The following PHLDB2 variants were observed in gnomAD, a reference collection of about 807,000 sequenced individuals.
The protein encoded by PHLDB2 is pleckstrin homology like domain family B member 2.
Under a neutral mutation model 123.6 loss-of-function variants are expected in PHLDB2, and 71 were observed. The observed-to-expected ratio is 0.57, with a 90% CI of 0.47 to 0.70. The LOEUF (loss-of-function observed/expected upper bound fraction) is 0.70, where lower values mean the gene tolerates loss of function less well. PHLDB2 is among the 30% of genes least tolerant of loss of function. The pLI, the probability that PHLDB2 is intolerant of heterozygous loss-of-function variation, is 0.00. For missense variants in PHLDB2, 1,446 were observed against 1,519.5 expected (o/e 0.95, Z 0.80); for synonymous variants, 547 against 541.6 (o/e 1.01, Z -0.14).
chr3:111,849,456 C>T (rs1332448242), intron 2 of PHLDB2, among the ~76,000 whole-genome samples: 3 of 152,170 alleles, frequency 2.0e-5, no homozygotes, highest in Non-Finnish European at 4.4e-5. Flanking sequence ...CAGGCATGAG[C>T]CACTGTGCCA....
At chr3:111,854,916 C>T (rs538457061), upstream of PHLDB2, among the ~76,000 whole-genome samples, 221 of 152,266 alleles carry the variant, frequency 1.5e-3, 3 homozygotes, top group Non-Finnish European at 2.6e-3. Context: ...GAATTGAAGT[C>T]GACCCCTTGG....
At chr3:111,852,782 A>G (rs1015869733) in intron 2 of PHLDB2, among the ~76,000 whole-genome samples, 2 of 151,220 alleles carry the variant, frequency 1.3e-5, no homozygotes, top group African/African-American at 4.9e-5. Context: ...ACACACACAC[A>G]TACACACACA....
At chr3:111,918,959 C>A in intron 3 of PHLDB2, 113 bp from the exon 4 acceptor site, 2 of 1,100,312 alleles carry the variant, frequency 1.8e-6, no homozygotes, top group Non-Finnish European at 2.7e-6. Context: ...CTTTTAAAAT[C>A]TACATGGGCA....
intron 12 of PHLDB2, among the ~76,000 whole-genome samples, chr3:111,956,235 A>G (rs904515067): frequency 1.3e-5 from 2 of 152,222 alleles, no homozygotes; most frequent in Admixed American, 1.3e-4. Context: ...TCAAAGAGTA[A>G]GAAAAACTAG....
At chr3:111,934,604 C>T (rs2069353090) in intron 6 of PHLDB2, among the ~76,000 whole-genome samples, 1 of 152,174 alleles carries the variant, frequency 6.6e-6, no homozygotes, top group Non-Finnish European at 1.5e-5. Context: ...GGTCTTCCTA[C>T]CTTTAAACAT....
chr3:111,817,073 C>T lies in PHLDB2; in HGVS notation c.-48-28748C>T, dbSNP rs149952578. 5.1e-4 allele frequency among the ~76,000 whole-genome samples: 77 copies of T among 152,294 alleles called. No homozygotes were observed. In the East Asian group the frequency reaches 0.014, roughly 29 times the overall value. ...TTCCACCATGATTGTGAGGCCTCCCCAGCCATGTGGAACTGTAAGTCCAAT... is the reference window on the plus strand; with the variant it reads ...TTCCACCATGATTGTGAGGCCTCCCTAGCCATGTGGAACTGTAAGTCCAAT... On this transcript the variant is annotated intron_variant, in intron 1 of 17. Coordinates refer to the PHLDB2 transcript ENST00000393923.
At chr3:111,894,848 A>C (rs1455122254) in intron 2 of PHLDB2, among the ~76,000 whole-genome samples, 2 of 152,148 alleles carry the variant, frequency 1.3e-5, no homozygotes, top group Non-Finnish European at 2.9e-5. Flanking sequence ...GGGTAATATA[A>C]AGAAAAATGT....
chr3:111,780,411 A>AGAAGAAGAAG (rs61182634), intron 1 of PHLDB2, among the ~76,000 whole-genome samples: 1 of 130,628 alleles, frequency 7.7e-6, no homozygotes, highest in Non-Finnish European at 1.7e-5. Context: ...AAGAAGAAGA[A>AGAAGAAGAAG]AAAGATTAGT....
At chr3:111,855,596 G>T (rs2064454450), upstream of PHLDB2, among the ~76,000 whole-genome samples, 1 of 141,370 alleles carries the variant, frequency 7.1e-6, no homozygotes, top group African/African-American at 2.6e-5. Context: ...ACTTTATTGA[G>T]TGCTTTCTAT....
chr3:111,832,435 T>G (rs991325522), intron 1 of PHLDB2, among the ~76,000 whole-genome samples: 1 of 151,252 alleles, frequency 6.6e-6, no homozygotes, highest in Admixed American at 6.6e-5. Flanking sequence ...AAAGTAAATC[T>G]TGTAAGACCA....
intron 2 of PHLDB2, among the ~76,000 whole-genome samples, chr3:111,900,027 G>T (rs1179382742): frequency 1.3e-5 from 2 of 152,330 alleles, no homozygotes; most frequent in East Asian, 3.9e-4. Flanking sequence ...TGGAGACAAT[G>T]TCTTTCCTTA....
chr3:111,933,463 T>C (rs1485358944), intron 6 of PHLDB2, among the ~76,000 whole-genome samples: 1 of 152,238 alleles, frequency 6.6e-6, no homozygotes, highest in Non-Finnish European at 1.5e-5. Flanking sequence ...AGTTAAAGCT[T>C]TTCAATGTAT....
At chr3:111,932,525 T>A in intron 6 of PHLDB2, 128 bp downstream of exon 6, 1 of 959,050 alleles carries the variant, frequency 1.0e-6, no homozygotes. Context: ...ATTAGATACG[T>A]TTAAATGGAA....
chr3:111,958,654 A>G (rs2071201757), intron 12 of PHLDB2: 1 of 450,536 alleles, frequency 2.2e-6, no homozygotes, highest in African/African-American at 2.0e-5. Flanking sequence ...TGCTTTATAC[A>G]CCTTATAAAC....
chr3:111,774,776 A>G (rs557057913), intron 1 of PHLDB2, among the ~76,000 whole-genome samples: 60 of 152,294 alleles, frequency 3.9e-4, no homozygotes, highest in African/African-American at 1.3e-3. Flanking sequence ...TGCCAAACCT[A>G]TCCCTAAGAG....
intron 2 of PHLDB2, among the ~76,000 whole-genome samples, chr3:111,897,171 C>T (rs2066922750): frequency 6.6e-6 from 1 of 152,184 alleles, no homozygotes; most frequent in African/African-American, 2.4e-5. Context: ...ACAATATAAC[C>T]ATATAGCATG....
In PHLDB2 at chr3:111,884,550, A is replaced by G. The variant is rs760095966; in HGVS notation, c.473A>G (p.His158Arg). ...YSKYSSRHKS[H>R]DNVYSLGGLE... ...AAATATAGCTCAAGGCATAAATCGC[A>G]TGACAATGTCTACTCTCTTGGAGGG... The change falls in exon 2 of 18, where the codon CAT becomes CGT. Residue 158 changes from histidine to arginine, a missense_variant. Transcript: ENST00000431670. 1 of 1,614,166 alleles carries G rather than the reference A, an allele frequency of 6.2e-7. No homozygotes were observed. The highest frequency in any genetic ancestry group is 1.1e-5 in the South Asian group (1 of 91,080).
intron 2 of PHLDB2, chr3:111,885,890 GT>G: frequency 2.3e-6 from 1 of 443,160 alleles, no homozygotes; most frequent in Non-Finnish European, 4.0e-6. Context: ...TGCCTCAGTG[GT>G]GCTCAGCTTT....
Position 111,780,270 on chromosome 3 carries a change from A to AAG in PHLDB2, c.-49+47568_-49+47569insGA, listed in dbSNP as rs144804857. On this transcript the variant is annotated intron_variant, in intron 1 of 17. Transcript: ENST00000393923. Reference sequence around the variant, plus strand: ...GCTCCTGATTTAAAAGAAGAAGAAGAAAAGAAGAAGAAGAAGAAGAAGAAG... The same window carrying AAG: ...GCTCCTGATTTAAAAGAAGAAGAAGAAGAAAGAAGAAGAAGAAGAAGAAGAAG... Among the ~76,000 whole-genome samples, 47 of 7,260 alleles carry AAG rather than the reference A, an allele frequency of 6.5e-3. 3 individuals are homozygous for AAG. The highest frequency in any genetic ancestry group is 0.02 in the African/African-American group (44 of 2,154). 4.8% of individuals were successfully genotyped at this position (7,260 alleles called of 152,430 possible).
Sources: allele counts gnomAD v4.1 joint callset (sites outside exome capture counted in the v4.1 genomes callset), GRCh38; gene constraint gnomAD v4.1.1; transcripts MANE v1.5; gene names NCBI Gene and HGNC (gene_info 2026-07-23, HGNC 2026-07-21).